The following CFAP221 variants were observed in gnomAD, a reference collection of about 807,000 sequenced individuals.
CFAP221 encodes the protein cilia- and flagella-associated protein 221.
A neutral mutation model predicts 113.1 loss-of-function variants in CFAP221; 97 were observed. The observed-to-expected ratio is 0.86, with a 90% CI of 0.73 to 1.02. The LOEUF (loss-of-function observed/expected upper bound fraction) is 1.02, where lower values mean the gene tolerates loss of function less well. Among genes scored for constraint, CFAP221 ranks in the 50% least tolerant of loss-of-function variants. CFAP221 has a pLI of 0.00. For missense variants in CFAP221, 1,025 were observed against 1,013.4 expected, an observed-to-expected ratio of 1.01 and a Z score of -0.16; for synonymous variants, 331 against 354.4, an observed-to-expected ratio of 0.93 and a Z score of 0.74.
chr2:119,636,622 T>C (rs574667199), intron 19 of CFAP221, among the ~76,000 whole-genome samples: 31 of 152,092 alleles, frequency 2.0e-4, no homozygotes, highest in Non-Finnish European at 3.7e-4. Context: ...TGTTTAGAGT[T>C]AGGGTGGTGA....
At chr2:119,545,723 A>G (rs1680003909) in intron 1 of CFAP221, among the ~76,000 whole-genome samples, 1 of 152,220 alleles carries the variant, frequency 6.6e-6, no homozygotes, top group Non-Finnish European at 1.5e-5. Context: ...TGGAAGTCTT[A>G]TTTAACTGTT....
rs141256257 is a variant in CFAP221, at chr2:119,580,452, T to C, written c.528-6667T>C. 1.2e-3 allele frequency: 177 copies of C among 152,272 alleles called. 1 individual carries two copies. Among genetic ancestry groups the C allele is most frequent in the African/African-American group, 4.1e-3 (170 of 41,550 alleles). The allele number at this position is 152,272 out of a possible 1,614,324, so 9.4% of individuals were successfully genotyped here. On this transcript the variant is annotated intron_variant, in intron 6 of 23. Transcript: ENST00000413369. ...CTACGCTCCTCTCAAAGAGACATCATAGCTAAGGAACAATGTTTTAAAAAC... is the reference window on the plus strand; with the variant it reads ...CTACGCTCCTCTCAAAGAGACATCACAGCTAAGGAACAATGTTTTAAAAAC...
At chr2:119,616,755 G>T (rs992774113) in intron 14 of CFAP221, among the ~76,000 whole-genome samples, 1 of 152,184 alleles carries the variant, frequency 6.6e-6, no homozygotes, top group African/African-American at 2.4e-5. Context: ...CCCCAGCTCT[G>T]CTCCATGGGA....
intron 8 of CFAP221, among the ~76,000 whole-genome samples, chr2:119,603,114 T>C (rs189730131): frequency 2.2e-4 from 34 of 152,356 alleles, no homozygotes; most frequent in African/African-American, 7.9e-4. Context: ...TGTAGTGCTC[T>C]CTGAAATTTT....
intron 8 of CFAP221, chr2:119,602,822 T>C: frequency 1.0e-6 from 1 of 968,454 alleles, no homozygotes; most frequent in Non-Finnish European, 1.2e-6. Context: ...ATGACTTTCT[T>C]AAAGACATAA....
rs374871416 is a variant in CFAP221 at position 119,627,631 on chromosome 2, G to C, written c.1517-22G>C. 3.7e-6 allele frequency: 6 copies of C among 1,610,736 alleles called. No homozygotes were observed. In the African/African-American group the frequency reaches 8.1e-5, roughly 22 times the overall value. On this transcript the variant is annotated intron_variant, in intron 15 of 23. Coordinates refer to ENST00000413369, the MANE Select transcript of CFAP221 (RefSeq NM_001271049.2). ...AAAATACCTTTAGTACCCCCTAAAA[G>C]TGCCCTTTTTTTCACCCATAGAGGC...
intron 20 of CFAP221, among the ~76,000 whole-genome samples, chr2:119,638,624 T>G (rs1687268473): frequency 6.6e-6 from 1 of 152,176 alleles, no homozygotes; most frequent in Non-Finnish European, 1.5e-5. Flanking sequence ...CACCTGCCTC[T>G]CGGGCTGCCT....
intron 7 of CFAP221, among the ~76,000 whole-genome samples, chr2:119,589,083 G>A (rs1683412945): frequency 6.6e-6 from 1 of 152,196 alleles, no homozygotes; most frequent in Non-Finnish European, 1.5e-5. Context: ...TGAATGACCT[G>A]CATTGTGTGG....
At chr2:119,566,808 G>A (rs1681677256) in intron 6 of CFAP221, among the ~76,000 whole-genome samples, 1 of 151,960 alleles carries the variant, frequency 6.6e-6, no homozygotes, top group African/African-American at 2.4e-5. Flanking sequence ...GTCTTTCAGA[G>A]ATGGGACTTC....
At chr2:119,628,294 G>GGGTGTGTGTGTGTGT (rs1553491014) in intron 16 of CFAP221, among the ~76,000 whole-genome samples, 1 of 137,490 alleles carries the variant, frequency 7.3e-6, no homozygotes, top group Non-Finnish European at 1.5e-5. Context: ...CTCTCTGGGG[G>GGGTGTGTGTGTGTGT]GTGTGTGTGT....
intron 15 of CFAP221, among the ~76,000 whole-genome samples, chr2:119,626,614 G>A (rs4283436): frequency 2.0e-5 from 3 of 152,152 alleles, no homozygotes; most frequent in African/African-American, 7.2e-5. Context: ...AATCTTGTAT[G>A]GTCTTTCCCT....
At chr2:119,639,692 AGT>A in intron 20 of CFAP221, 87 bp from the exon 21 acceptor site, 1 of 1,050,668 alleles carries the variant, frequency 9.5e-7, no homozygotes, top group Non-Finnish European at 1.4e-6. Flanking sequence ...TAGCCTTTTA[AGT>A]CTGAAAAATA....
chr2:119,638,186 A>G, intron 19 of CFAP221, 73 bp from the exon 20 acceptor site: 1 of 1,507,922 alleles, frequency 6.6e-7, no homozygotes, highest in Non-Finnish European at 9.2e-7. Flanking sequence ...AGACAGCATT[A>G]GCTGATGCCT....
chr2:119,659,221 A>G (rs1337965017), downstream of CFAP221, among the ~76,000 whole-genome samples: 7 of 152,136 alleles, frequency 4.6e-5, no homozygotes, highest in Non-Finnish European at 8.8e-5. Context: ...CGAGAAACAC[A>G]TTTACTAACT....
chr2:119,589,384 G>A (rs779825608), intron 7 of CFAP221, among the ~76,000 whole-genome samples: 16 of 152,238 alleles, frequency 1.1e-4, no homozygotes, highest in Non-Finnish European at 1.8e-4. Context: ...GGCTTGACTT[G>A]GAGGCCATAC....
chr2:119,622,174 A>G (rs1356779554), intron 14 of CFAP221, among the ~76,000 whole-genome samples: 1 of 152,226 alleles, frequency 6.6e-6, no homozygotes, highest in Non-Finnish European at 1.5e-5. Context: ...ATAAAAAATT[A>G]TAAAGAGGTT....
rs1208395629 is a variant in CFAP221 at position 119,601,337 on chromosome 2, T to A, written c.751T>A (p.Cys251Ser). 6.5e-7 allele frequency: 1 copy of A among 1,534,822 alleles called. No individual in the cohort carries two copies. The highest frequency in any genetic ancestry group is 1.2e-5 in the South Asian group (1 of 83,794). Residue 251 changes from cysteine (C) to serine (S), a missense_variant, in exon 8 of 24, where the codon TGT becomes AGT. Cys to Ser is a moderately radical substitution (Grantham distance 112). Coordinates refer to ENST00000413369, the MANE Select transcript of CFAP221 (RefSeq NM_001271049.2). ...GCAGTTCAACTCTCAACCATACGAA[T>A]GTGTCTTCACCGGAACATGCTATCC... The part of the protein sequence containing the change: ...ISQFNSQPYE[C>S]VFTGTCYPNM...
intron 19 of CFAP221, among the ~76,000 whole-genome samples, chr2:119,637,704 T>A (rs1345928905): frequency 6.6e-6 from 1 of 152,312 alleles, no homozygotes; most frequent in Non-Finnish European, 1.5e-5. Flanking sequence ...GGAAAATTAA[T>A]AAAAAACAGG....
At chr2:119,597,771 C>T (rs1053670478) in intron 7 of CFAP221, among the ~76,000 whole-genome samples, 1 of 152,202 alleles carries the variant, frequency 6.6e-6, no homozygotes. Context: ...CCATTGGTTA[C>T]TTGATGTACA....
Sources: gnomAD v4.1 joint callset for allele counts (sites outside exome capture counted in the v4.1 genomes callset) on GRCh38, gnomAD v4.1.1 for gene constraint, MANE v1.5 for transcripts, NCBI Gene and HGNC (gene_info 2026-07-23, HGNC 2026-07-21) for gene names.